NUP62CL: variants seen among roughly 807,000 people sequenced by gnomAD.
The protein encoded by NUP62CL is nucleoporin-62 C-terminal-like protein.
A neutral mutation model predicts 15.3 loss-of-function variants in NUP62CL; 13 were observed. That is an observed-to-expected ratio of 0.85 (90% CI 0.55 to 1.35). The LOEUF is 1.35. NUP62CL is among the 40% of genes most tolerant of loss of function. The pLI, the probability that NUP62CL is intolerant of heterozygous loss-of-function variation, is 0.00. For synonymous variants in NUP62CL, 54 were observed against 49.2 expected (o/e 1.10, Z -0.41); for missense variants, 123 against 130.6 (o/e 0.94, Z 0.28).
chrX:107,133,617 A>G (rs1224437968), intron 8 of NUP62CL, among the ~76,000 whole-genome samples: 2 of 112,488 alleles, frequency 1.8e-5, no homozygotes, highest in African/African-American at 6.5e-5. Flanking sequence ...GATTGCAGGC[A>G]TGAACCACTG....
intron 8 of NUP62CL, among the ~76,000 whole-genome samples, chrX:107,138,030 T>C (rs901435604): frequency 6.3e-5 from 7 of 111,664 alleles, no homozygotes; most frequent in African/African-American, 2.3e-4. Flanking sequence ...AGGTTTTTTG[T>C]TGTTGTTGTT....
At chrX:107,137,338 G>A (rs2147793201) in intron 8 of NUP62CL, among the ~76,000 whole-genome samples, 1 of 111,815 alleles carries the variant, frequency 8.9e-6, no homozygotes, top group South Asian at 3.7e-4. Flanking sequence ...ACAAGGCAAG[G>A]ATGTCTGCTC....
intron 4 of NUP62CL, among the ~76,000 whole-genome samples, chrX:107,167,168 G>C (rs1458846746): frequency 9.0e-6 from 1 of 111,648 alleles, no homozygotes; most frequent in East Asian, 2.8e-4. Flanking sequence ...ACAAATACTA[G>C]AGAGAAACAT....
intron 8 of NUP62CL, 38 bp downstream of exon 8, chrX:107,147,705 C>T (rs1238699910): frequency 1.2e-6 from 1 of 837,105 alleles, no homozygotes; most frequent in Non-Finnish European, 1.8e-6. Context: ...TTTCTACTTG[C>T]AATAAATACA....
chrX:107,151,677 T>C (rs891466001), intron 7 of NUP62CL, among the ~76,000 whole-genome samples: 7 of 110,454 alleles, frequency 6.3e-5, no homozygotes, highest in African/African-American at 2.3e-4. Context: ...TATGGCATAG[T>C]ACTTATGCCA....
At chrX:107,189,420 T>G (rs892757780) in intron 2 of NUP62CL, among the ~76,000 whole-genome samples, 1 of 110,738 alleles carries the variant, frequency 9.0e-6, no homozygotes, top group Admixed American at 9.7e-5. Context: ...TATCCATTCA[T>G]AGATAATAGT....
At chrX:107,130,586 G>C (rs1361588127) in intron 8 of NUP62CL, among the ~76,000 whole-genome samples, 2 of 111,467 alleles carry the variant, frequency 1.8e-5, no homozygotes, top group African/African-American at 6.5e-5. Context: ...AAAGAGTAGA[G>C]TCAATATAAG....
intron 7 of NUP62CL, among the ~76,000 whole-genome samples, chrX:107,152,157 T>TATATATTCAG (rs1926058731): frequency 1.1e-5 from 1 of 90,991 alleles, no homozygotes; most frequent in Admixed American, 1.3e-4. Context: ...TTCAGATATA[T>TATATATTCAG]ATATATATAT....
At chrX:107,140,246 C>G (rs1391396945) in intron 8 of NUP62CL, among the ~76,000 whole-genome samples, 1 of 111,842 alleles carries the variant, frequency 8.9e-6, no homozygotes, top group East Asian at 2.8e-4. Context: ...TTCAGTCATC[C>G]TGTTGAAATT....
At chrX:107,138,723 G>C (rs1295705951) in intron 8 of NUP62CL, among the ~76,000 whole-genome samples, 1 of 111,982 alleles carries the variant, frequency 8.9e-6, no homozygotes, top group Non-Finnish European at 1.9e-5. Context: ...ACATAAAATG[G>C]TACAGCCAGT....
At chrX:107,130,431 C>T (rs1013332682) in intron 8 of NUP62CL, among the ~76,000 whole-genome samples, 2 of 112,173 alleles carry the variant, frequency 1.8e-5, no homozygotes, top group African/African-American at 6.5e-5. Flanking sequence ...GTAGAATAAA[C>T]ACCTTTTCAG....
Position 107,185,400 on chromosome X carries a change from G to C in NUP62CL, c.-48+7629C>G, listed in dbSNP as rs144161447. 9.0e-3 allele frequency among the ~76,000 whole-genome samples: 1,001 copies of C among 110,923 alleles called. 9 individuals carry two copies. The highest frequency in any genetic ancestry group is 0.032 in the African/African-American group (961 of 30,494). On this transcript the variant is annotated intron_variant, in intron 2 of 8. Coordinates refer to ENST00000372466, the MANE Select transcript of NUP62CL (RefSeq NM_017681.3). ...TGAAGCAAAAATTATAACCCTGTCT[G>C]ATATGGCTCTAAATATATGTAGAGG...
chrX:107,134,447 G>A (rs757135101), intron 8 of NUP62CL, among the ~76,000 whole-genome samples: 1 of 111,754 alleles, frequency 8.9e-6, no homozygotes, highest in African/African-American at 3.3e-5. Context: ...GAGAGCTAAC[G>A]TTCTAGGATG....
chrX:107,131,570 T>C (rs1338085541), intron 8 of NUP62CL: 1 of 399,693 alleles, frequency 2.5e-6, no homozygotes, highest in African/African-American at 2.5e-5. Flanking sequence ...AAAGAGAATG[T>C]AGGGCCGGTA....
intron 8 of NUP62CL, among the ~76,000 whole-genome samples, chrX:107,147,391 T>C (rs1429008959): frequency 9.0e-6 from 1 of 111,220 alleles, no homozygotes; most frequent in Non-Finnish European, 1.9e-5. Flanking sequence ...TTGTCTTCCT[T>C]CTCATTATTT....
intron 4 of NUP62CL, among the ~76,000 whole-genome samples, chrX:107,160,878 C>G (rs1238179397): frequency 9.2e-6 from 1 of 109,147 alleles, no homozygotes; most frequent in Non-Finnish European, 1.9e-5. Flanking sequence ...TCGCAACCTA[C>G]TCATCTGACA....
At chrX:107,200,951 A>C (rs1405693356) in intron 1 of NUP62CL, among the ~76,000 whole-genome samples, 1 of 111,682 alleles carries the variant, frequency 9.0e-6, no homozygotes. Context: ...AGAATTCTGA[A>C]GAATGATAAT....
At position 107,175,249 on chromosome X, in the gene NUP62CL, T is replaced by C; in HGVS notation, c.-47-56A>G. On this transcript the variant is annotated intron_variant, in intron 2 of 8. Transcript: ENST00000372466. ...TGTCACTAAAAATAATTTTTAAAAG[T>C]AAAACAACATTATGACAAGGTTCAT... The C allele has an allele frequency of 1.1e-5, 6 of 569,235 alleles. No homozygotes were observed. In the South Asian group the frequency reaches 1.8e-4, roughly 17 times the overall value. The allele number at this position is 569,235 out of a possible 1,213,427, so 46.9% of individuals were successfully genotyped here.
intron 2 of NUP62CL, among the ~76,000 whole-genome samples, chrX:107,176,659 T>C (rs994170743): frequency 6.4e-5 from 7 of 110,204 alleles, no homozygotes; most frequent in African/African-American, 2.3e-4. Flanking sequence ...GATTGTATAC[T>C]TAAAACAGTG....
Sources: gnomAD v4.1 joint callset for allele counts (sites outside exome capture counted in the v4.1 genomes callset) on GRCh38, gnomAD v4.1.1 for gene constraint, MANE v1.5 for transcripts, NCBI Gene and HGNC (gene_info 2026-07-23, HGNC 2026-07-21) for gene names.